Variants in RASGEF1C observed in about 807,000 individuals in gnomAD.
RASGEF1C encodes the protein ras-GEF domain-containing family member 1C.
In RASGEF1C, 27 loss-of-function variants were observed where a neutral mutation model predicts 58.1. That is an observed-to-expected ratio of 0.46 (90% CI 0.34 to 0.64). The LOEUF is 0.64. Among genes scored for constraint, RASGEF1C ranks in the 30% least tolerant of loss-of-function variants. The pLI is 0.01. For synonymous variants in RASGEF1C, 243 were observed against 246.3 expected, an observed-to-expected ratio of 0.99 and a Z score of 0.13; for missense variants, 502 against 605.1, an observed-to-expected ratio of 0.83 and a Z score of 1.79.
chr5:180,205,470 A>G lies in RASGEF1C; in HGVS notation c.-7+3558T>C, dbSNP rs1262007777. Among the ~76,000 whole-genome samples, 3 of 152,156 alleles carry G rather than the reference A, an allele frequency of 2.0e-5. No homozygotes were observed. In the East Asian group the frequency reaches 5.8e-4, roughly 29 times the overall value. Reference sequence around the variant, plus strand: ...AAGACATCTCTCAGTTTTGGATAAGATAACTCAACTTCATAAAGATGCCAA... The same window carrying G: ...AAGACATCTCTCAGTTTTGGATAAGGTAACTCAACTTCATAAAGATGCCAA... On this transcript the variant is annotated intron_variant, in intron 1 of 13. Transcript: ENST00000361132.
rs568261181 is a variant in RASGEF1C at position 180,178,758 on chromosome 5, C to T, written c.-7+30270G>A. 3.8e-4 allele frequency among the ~76,000 whole-genome samples: 58 copies of T among 152,266 alleles called. 1 individual carries two copies. The highest frequency in any genetic ancestry group is 2.3e-3 in the Admixed American group (35 of 15,294). On this transcript the variant is annotated intron_variant, in intron 1 of 13. Transcript: ENST00000361132. ...CAGCAGACCACGGCGCAGATGTGGG[C>T]GGGGTCCTTATTGGCCATGAGACCC...
chr5:180,181,460 G>A (rs935682231), intron 1 of RASGEF1C, among the ~76,000 whole-genome samples: 1 of 152,192 alleles, frequency 6.6e-6, no homozygotes, highest in Non-Finnish European at 1.5e-5. Flanking sequence ...TGAGTGAAGA[G>A]GAGGCCACAC....
intron 1 of RASGEF1C, among the ~76,000 whole-genome samples, chr5:180,165,957 G>T (rs1487406282): frequency 6.6e-6 from 1 of 151,648 alleles, no homozygotes; most frequent in African/African-American, 2.4e-5. Context: ...CACCATGTTA[G>T]CCAGGATGGT....
intron 8 of RASGEF1C, among the ~76,000 whole-genome samples, 196 bp from the exon 9 acceptor site, chr5:180,119,062 T>C (rs371783444): frequency 5.9e-5 from 9 of 152,180 alleles, no homozygotes; most frequent in African/African-American, 2.2e-4. Flanking sequence ...TCCCATTCTG[T>C]ACCAAGCACC....
At chr5:180,126,410 AAAG>A (rs1482297464) in intron 6 of RASGEF1C, among the ~76,000 whole-genome samples, 1 of 151,502 alleles carries the variant, frequency 6.6e-6, no homozygotes, top group Non-Finnish European at 1.5e-5. Flanking sequence ...CGTCTCAAAA[AAAG>A]AAAAAAAATC....
At chr5:180,171,593 G>T (rs1767109805) in intron 1 of RASGEF1C, among the ~76,000 whole-genome samples, 1 of 152,148 alleles carries the variant, frequency 6.6e-6, no homozygotes, top group African/African-American at 2.4e-5. Context: ...CCCCACGCAG[G>T]TCAGCGTGAG....
intron 12 of RASGEF1C, among the ~76,000 whole-genome samples, chr5:180,104,714 C>A (rs1344958414): frequency 6.6e-6 from 1 of 152,132 alleles, no homozygotes; most frequent in Non-Finnish European, 1.5e-5. Context: ...AGCCTGTAGA[C>A]TTCATTTTTG....
intron 1 of RASGEF1C, among the ~76,000 whole-genome samples, chr5:180,204,656 A>C (rs1047632858): frequency 9.7e-5 from 14 of 144,490 alleles, no homozygotes; most frequent in Non-Finnish European, 1.9e-4. Flanking sequence ...CTATCTATCT[A>C]TCTCATCTAT....
At chr5:180,128,854 G>A (rs1460360301) in intron 4 of RASGEF1C, among the ~76,000 whole-genome samples, 1 of 152,182 alleles carries the variant, frequency 6.6e-6, no homozygotes, top group Non-Finnish European at 1.5e-5. Flanking sequence ...CCATCTGTGG[G>A]TGGGAGCCAA....
chr5:180,160,258 G>A (rs1458359516), intron 1 of RASGEF1C, among the ~76,000 whole-genome samples: 1 of 152,202 alleles, frequency 6.6e-6, no homozygotes, highest in Non-Finnish European at 1.5e-5. Flanking sequence ...GGAGTAGCCA[G>A]GGGTCCCTGA....
At chr5:180,142,102 G>T (rs1015895618) in intron 1 of RASGEF1C, among the ~76,000 whole-genome samples, 2 of 152,146 alleles carry the variant, frequency 1.3e-5, no homozygotes, top group African/African-American at 4.8e-5. Context: ...CTTGGGGGCT[G>T]CATAGATGGG....
intron 1 of RASGEF1C, among the ~76,000 whole-genome samples, chr5:180,194,314 T>C (rs1756224743): frequency 6.6e-6 from 1 of 152,240 alleles, no homozygotes; most frequent in African/African-American, 2.4e-5. Flanking sequence ...TAACCTAATT[T>C]GTTCCTCTTT....
At chr5:180,174,489 C>CGTGTGT (rs1266771571) in intron 1 of RASGEF1C, among the ~76,000 whole-genome samples, 2 of 96,308 alleles carry the variant, frequency 2.1e-5, no homozygotes, top group African/African-American at 9.0e-5. Context: ...TCTGTGTGTG[C>CGTGTGT]GCGTGTGTGT....
intron 5 of RASGEF1C, 57 bp from the exon 6 acceptor site, chr5:180,127,740 AC>A: frequency 6.5e-7 from 1 of 1,532,028 alleles, no homozygotes; most frequent in Admixed American, 1.9e-5. Flanking sequence ...GGGGGTGTCC[AC>A]TGGGGGGCCT....
chr5:180,160,602 G>T (rs1038064318), intron 1 of RASGEF1C, among the ~76,000 whole-genome samples: 2 of 152,100 alleles, frequency 1.3e-5, no homozygotes, highest in Non-Finnish European at 2.9e-5. Flanking sequence ...AGGAAAATTG[G>T]CTCCGAATCT....
chr5:180,101,402 G>T lies in RASGEF1C; in HGVS notation c.*99C>A. 2.8e-6 allele frequency: 4 copies of T among 1,417,754 alleles called. No individual in the cohort carries two copies. Among genetic ancestry groups the T allele is most frequent in the Non-Finnish European group, 3.9e-6 (4 of 1,024,220 alleles). 87.8% of individuals were successfully genotyped at this position (1,417,754 alleles called of 1,614,324 possible). On this transcript the variant is annotated 3_prime_UTR_variant, in exon 14 of 14. Transcript: ENST00000361132. Reference sequence around the variant, plus strand: ...CCACAGGGTCGGCATTTGCAAAATAGTGAGGCACTCCCTGGCCTCTGCCCA... The same window carrying T: ...CCACAGGGTCGGCATTTGCAAAATATTGAGGCACTCCCTGGCCTCTGCCCA...
At chr5:180,200,276 A>T (rs1268182737) in intron 1 of RASGEF1C, among the ~76,000 whole-genome samples, 1 of 146,884 alleles carries the variant, frequency 6.8e-6, no homozygotes, top group Non-Finnish European at 1.5e-5. Context: ...TGATGGATTT[A>T]TTTAATAGAT....
chr5:180,152,663 T>G (rs1168621849), intron 1 of RASGEF1C, among the ~76,000 whole-genome samples: 1 of 150,388 alleles, frequency 6.6e-6, no homozygotes, highest in Non-Finnish European at 1.5e-5. Context: ...TGTATACATA[T>G]GTAACAAACC....
At chr5:180,107,725 C>G (rs1765894026) in intron 12 of RASGEF1C, among the ~76,000 whole-genome samples, 1 of 152,196 alleles carries the variant, frequency 6.6e-6, no homozygotes, top group African/African-American at 2.4e-5. Flanking sequence ...TCTTGTGCCT[C>G]AGCCACCCAA....
Sources: gnomAD v4.1 joint callset for allele counts (sites outside exome capture counted in the v4.1 genomes callset) on GRCh38, gnomAD v4.1.1 for gene constraint, MANE v1.5 for transcripts, NCBI Gene and HGNC (gene_info 2026-07-23, HGNC 2026-07-21) for gene names.